Variants in PTPN5 observed in about 807,000 individuals in gnomAD.
The protein encoded by PTPN5 is tyrosine-protein phosphatase non-receptor type 5.
PTPN5 carries 29 observed loss-of-function variants against 73.9 expected under a neutral mutation model. That is an observed-to-expected ratio of 0.39 (90% CI 0.29 to 0.54). The LOEUF is 0.54. Ranked by LOEUF, PTPN5 falls within the 20% of genes least tolerant of loss-of-function variation. PTPN5 has a pLI of 0.65. For synonymous variants in PTPN5, 267 were observed against 304.7 expected, an observed-to-expected ratio of 0.88 and a Z score of 1.29; for missense variants, 652 against 751.4, an observed-to-expected ratio of 0.87 and a Z score of 1.55.
In PTPN5 at chr11:18,728,871, C is replaced by CCCTGCCTCGGGT; in HGVS notation, c.*62_*63insACCCGAGGCAGG. ...AGCAGGCCCAGGACCCGAGGCAGGGCCCTGGGTGAGGGCCGAGACTCAGGC... is the reference window on the plus strand; with the variant it reads ...AGCAGGCCCAGGACCCGAGGCAGGGCCCTGCCTCGGGTCCTGGGTGAGGGCCGAGACTCAGGC... On this transcript the variant is annotated 3_prime_UTR_variant, in exon 15 of 15. Coordinates refer to ENST00000358540, the MANE Select transcript of PTPN5 (RefSeq NM_006906.2). The surrounding 1 kb of genome is among the most constrained non-coding windows in gnomAD (Gnocchi z 4.1). 2.6e-6 allele frequency: 4 copies of CCCTGCCTCGGGT among 1,513,778 alleles called. No homozygotes were observed. Among genetic ancestry groups the CCCTGCCTCGGGT allele is most frequent in the African/African-American group, 1.4e-5 (1 of 72,254 alleles). 93.8% of individuals were successfully genotyped at this position (1,513,778 alleles called of 1,614,324 possible).
chr11:18,734,663 T>C (rs1849038577), intron 9 of PTPN5, among the ~76,000 whole-genome samples: 1 of 152,086 alleles, frequency 6.6e-6, no homozygotes, highest in African/African-American at 2.4e-5. Flanking sequence ...TGGAGTAGAT[T>C]TTGTTTTGTT....
chr11:18,764,237 G>A (rs1433213214), intron 3 of PTPN5, among the ~76,000 whole-genome samples: 2 of 152,204 alleles, frequency 1.3e-5, no homozygotes, highest in African/African-American at 2.4e-5. Flanking sequence ...TAGAGTCAGA[G>A]AGTTCTGCGT....
rs543420556 is a variant in PTPN5 at position 18,728,049 on chromosome 11, G to A, written c.*885C>T. On this transcript the variant is annotated 3_prime_UTR_variant, in exon 15 of 15. Transcript: ENST00000358540. This position sits in a 1 kb window ranked among gnomAD's most constrained non-coding sequence, Gnocchi z 4.1. ...TATTTAAAGTCAGCAATAAAAACAC[G>A]TGGCTCCAAGATAATACATGTTGCC... 1.3e-4 allele frequency: 20 copies of A among 152,676 alleles called. No homozygotes were observed. The highest frequency in any genetic ancestry group is 2.1e-4 in the Non-Finnish European group (14 of 68,044). The allele number at this position is 152,676 out of a possible 1,614,324, so 9.5% of individuals were successfully genotyped here.
At chr11:18,754,300 G>GAA (rs1371340839) in intron 3 of PTPN5, among the ~76,000 whole-genome samples, 1 of 152,186 alleles carries the variant, frequency 6.6e-6, no homozygotes, top group African/African-American at 2.4e-5. Flanking sequence ...TGGAGAGAGA[G>GAA]AAACCCTGGC....
At chr11:18,762,293 CAG>C (rs1337676890) in intron 3 of PTPN5, among the ~76,000 whole-genome samples, 2 of 152,166 alleles carry the variant, frequency 1.3e-5, no homozygotes, top group Non-Finnish European at 2.9e-5. Flanking sequence ...CTGGGTAAGA[CAG>C]AGAGTGGAAA....
chr11:18,788,896 G>A (rs1851789315), intron 1 of PTPN5, among the ~76,000 whole-genome samples: 1 of 152,336 alleles, frequency 6.6e-6, no homozygotes, highest in African/African-American at 2.4e-5. Context: ...CTTATGAGGA[G>A]TAAGTGACAG....
At chr11:18,752,751 T>C (rs1333016185) in intron 3 of PTPN5, among the ~76,000 whole-genome samples, 5 of 152,190 alleles carry the variant, frequency 3.3e-5, no homozygotes, top group Admixed American at 2.0e-4. Flanking sequence ...AGGGTGTTGC[T>C]TCCCCCAGCA....
intron 1 of PTPN5, among the ~76,000 whole-genome samples, chr11:18,777,917 C>T (rs2134342707): frequency 6.6e-6 from 1 of 151,498 alleles, no homozygotes; most frequent in South Asian, 2.1e-4. Flanking sequence ...TGCATTTCAG[C>T]CCAGCTTACA....
chr11:18,740,484 T>C (rs1408955153), intron 8 of PTPN5, 119 bp downstream of exon 8: 10 of 923,300 alleles, frequency 1.1e-5, no homozygotes, highest in Non-Finnish European at 1.5e-5. Context: ...GAGCTGATAA[T>C]AAAGTGATAC....
chr11:18,757,586 C>T (rs1850212241), intron 3 of PTPN5, among the ~76,000 whole-genome samples: 1 of 150,536 alleles, frequency 6.6e-6, no homozygotes, highest in East Asian at 1.9e-4. Context: ...GTACACTGTG[C>T]TGTGTGTATT....
At chr11:18,764,874 G>A (rs900686591) in intron 3 of PTPN5, among the ~76,000 whole-genome samples, 1 of 152,128 alleles carries the variant, frequency 6.6e-6, no homozygotes, top group Non-Finnish European at 1.5e-5. Context: ...CACCACGCCT[G>A]GCTAATTTTT....
At chr11:18,764,964 G>T (rs1028527907) in intron 3 of PTPN5, among the ~76,000 whole-genome samples, 1 of 152,004 alleles carries the variant, frequency 6.6e-6, no homozygotes, top group Non-Finnish European at 1.5e-5. Flanking sequence ...TGCCCGCCTT[G>T]GCCTCCCAAA....
chr11:18,746,204 T>G (rs1175249055), intron 3 of PTPN5, among the ~76,000 whole-genome samples: 1 of 129,166 alleles, frequency 7.7e-6, no homozygotes, highest in Non-Finnish European at 1.7e-5. Flanking sequence ...CATTTTTTTT[T>G]TTTTTGAGAT....
rs574740819 is a variant in PTPN5, at chr11:18,728,790, G to A, written c.*144C>T. The A allele has an allele frequency of 2.9e-6, 2 of 691,964 alleles. No homozygotes were observed. Among genetic ancestry groups the A allele is most frequent in the Middle Eastern group, 2.9e-4 (1 of 3,464 alleles). 42.9% of individuals were successfully genotyped at this position (691,964 alleles called of 1,614,324 possible). ...AGGAAGAGCAATGCTGGAGGGTAGG[G>A]GTCAGGCCAGGCTGACAGAGGACAG... On this transcript the variant is annotated 3_prime_UTR_variant, in exon 15 of 15. Transcript: ENST00000358540. This position sits in a 1 kb window ranked among gnomAD's most constrained non-coding sequence, Gnocchi z 4.1.
In PTPN5 at chr11:18,727,950, G is replaced by C. The variant is rs983211702; in HGVS notation, c.*984C>G. The C allele has an allele frequency of 6.6e-6, 1 of 152,572 alleles. No individual in the cohort carries two copies. Among genetic ancestry groups the C allele is most frequent in the African/African-American group, 2.4e-5 (1 of 41,416 alleles). The allele number at this position is 152,572 out of a possible 1,614,324, so 9.5% of individuals were successfully genotyped here. A position where few individuals can be genotyped will look rare whatever the true frequency, so the allele number is the denominator to read the frequency against. ...AGGTTAGTTTTGCTCAAAATGCTCCGTTTATTGCTCTATTCAATGACCACG... is the reference window on the plus strand; with the variant it reads ...AGGTTAGTTTTGCTCAAAATGCTCCCTTTATTGCTCTATTCAATGACCACG... On this transcript the variant is annotated 3_prime_UTR_variant, in exon 15 of 15. Coordinates refer to ENST00000358540, the MANE Select transcript of PTPN5 (RefSeq NM_006906.2).
chr11:18,743,647 G>A, intron 4 of PTPN5: 1 of 596,890 alleles, frequency 1.7e-6, no homozygotes, highest in South Asian at 2.0e-5. Context: ...CCAAGAGAAA[G>A]CCCTTTCCAG....
At chr11:18,791,956 G>C (rs983747624), upstream of PTPN5, 1 of 152,220 alleles carries the variant, frequency 6.6e-6, no homozygotes, top group African/African-American at 2.4e-5. Flanking sequence ...CCGGATCACA[G>C]ACCCTTAACC....
chr11:18,782,614 A>C (rs1013270731), intron 1 of PTPN5, among the ~76,000 whole-genome samples: 6 of 152,220 alleles, frequency 3.9e-5, no homozygotes, highest in African/African-American at 1.2e-4. Context: ...ATCCATCTAC[A>C]ATGATAGAAA....
intron 1 of PTPN5, among the ~76,000 whole-genome samples, chr11:18,775,303 T>C (rs1254984496): frequency 6.6e-6 from 1 of 152,240 alleles, no homozygotes; most frequent in Non-Finnish European, 1.5e-5. Context: ...TTTCTATATG[T>C]TCTTTTAAAA....
Sources: allele counts gnomAD v4.1 joint callset (sites outside exome capture counted in the v4.1 genomes callset), GRCh38; gene constraint gnomAD v4.1.1; non-coding constraint Gnocchi (gnomAD v3.1); transcripts MANE v1.5; gene names NCBI Gene and HGNC (gene_info 2026-07-23, HGNC 2026-07-21).